UBQLN1: variants seen among roughly 807,000 people sequenced by gnomAD.
The protein encoded by UBQLN1 is ubiquilin-1.
Under a neutral mutation model 65.4 loss-of-function variants are expected in UBQLN1, and 13 were observed. The ratio of observed to expected loss-of-function variants is 0.20; its 90% confidence interval spans 0.13 to 0.32. The LOEUF is 0.32. Ranked by LOEUF, UBQLN1 falls within the 10% of genes least tolerant of loss-of-function variation. UBQLN1 has a pLI of 1.00. For missense variants in UBQLN1, 561 were observed against 724.0 expected (o/e 0.77, Z 2.58); for synonymous variants, 267 against 247.8 (o/e 1.08, Z -0.73).
chr9:83,700,839 G>C (rs528572669), intron 1 of UBQLN1, among the ~76,000 whole-genome samples: 42 of 152,098 alleles, frequency 2.8e-4, no homozygotes, highest in Non-Finnish European at 4.9e-4. Flanking sequence ...TATTACACAG[G>C]GCCTCGCTAC....
intron 1 of UBQLN1, among the ~76,000 whole-genome samples, chr9:83,691,748 C>T (rs1054604720): frequency 9.2e-5 from 14 of 152,322 alleles, no homozygotes; most frequent in African/African-American, 2.6e-4. Context: ...GAGCTGTTGA[C>T]AATTAATGTC....
intron 1 of UBQLN1, among the ~76,000 whole-genome samples, chr9:83,691,321 C>T (rs1832125125): frequency 6.6e-6 from 1 of 151,954 alleles, no homozygotes; most frequent in South Asian, 2.1e-4. Flanking sequence ...GAGATAATCA[C>T]CAAAGGCTAA....
intron 2 of UBQLN1, among the ~76,000 whole-genome samples, chr9:83,685,615 T>TAAA (rs376944218): frequency 7.6e-5 from 10 of 131,858 alleles, no homozygotes; most frequent in South Asian, 2.5e-4. Context: ...CTCTGTCTCT[T>TAAA]AAAAAAAAAA....
In UBQLN1 at chr9:83,685,987, A is replaced by G. The variant is rs199985063; in HGVS notation, c.332+17T>C. On this transcript the variant is annotated intron_variant, in intron 2 of 10. Coordinates refer to ENST00000376395, the MANE Select transcript of UBQLN1 (RefSeq NM_013438.5). ...TTTATCCACAATTTTAAAGCTGTAC[A>G]TCTTCCAAAACCATACCTGTTTTGT... is the stretch of plus-strand genomic sequence containing the variant. 58 of 1,590,566 alleles carry G rather than the reference A, an allele frequency of 3.6e-5. No individual in the cohort carries two copies. The East Asian group carries it at 9.3e-4, about 25-fold the overall frequency.
At chr9:83,694,295 T>C (rs916684531) in intron 1 of UBQLN1, among the ~76,000 whole-genome samples, 11 of 152,188 alleles carry the variant, frequency 7.2e-5, no homozygotes, top group Non-Finnish European at 1.3e-4. Context: ...TATTCAAATC[T>C]TTGCTATTTC....
chr9:83,702,091 GCCCAGAACAAGCAAA>G (rs1832319249), intron 1 of UBQLN1, among the ~76,000 whole-genome samples: 8 of 152,194 alleles, frequency 5.3e-5, no homozygotes, highest in Admixed American at 4.6e-4. Context: ...TACAACAAAC[GCCCAGAACAAGCAAA>G]TCTATAGACA....
intron 6 of UBQLN1, among the ~76,000 whole-genome samples, chr9:83,669,937 T>C (rs1831704240): frequency 6.6e-6 from 1 of 152,188 alleles, no homozygotes; most frequent in African/African-American, 2.4e-5. Context: ...GCAAGTTATC[T>C]AGCGTCTTCA....
chr9:83,676,457 C>G (rs1831833681), intron 6 of UBQLN1, among the ~76,000 whole-genome samples: 1 of 152,000 alleles, frequency 6.6e-6, no homozygotes, highest in South Asian at 2.1e-4. Flanking sequence ...TGCTCTATAC[C>G]CTTTAAAGTA....
At chr9:83,667,648 TA>T (rs1353135443) in intron 7 of UBQLN1, 1 of 985,288 alleles carries the variant, frequency 1.0e-6, no homozygotes, top group African/African-American at 1.7e-5. Context: ...TTATCACACA[TA>T]TCTTTTGGAA....
intron 3 of UBQLN1, among the ~76,000 whole-genome samples, chr9:83,681,476 G>A (rs1831939131): frequency 1.3e-5 from 2 of 152,052 alleles, no homozygotes; most frequent in South Asian, 4.1e-4. Flanking sequence ...AGGATATTAT[G>A]GTAATATAAC....
chr9:83,685,957 G>T, intron 2 of UBQLN1, 47 bp downstream of exon 2: 2 of 1,520,050 alleles, frequency 1.3e-6, no homozygotes, highest in Non-Finnish European at 1.8e-6. Flanking sequence ...TTAGAAGTAC[G>T]AACATTTATC....
At chr9:83,699,963 GC>G (rs371158647) in intron 1 of UBQLN1, among the ~76,000 whole-genome samples, 4 of 152,262 alleles carry the variant, frequency 2.6e-5, no homozygotes, top group African/African-American at 9.6e-5. Context: ...CTTGAAATCT[GC>G]CACAGTGAGA....
intron 10 of UBQLN1, among the ~76,000 whole-genome samples, chr9:83,662,610 G>A (rs375123417): frequency 2.4e-3 from 363 of 151,900 alleles, no homozygotes; most frequent in African/African-American, 8.2e-3. Context: ...TTGGAGGCTT[G>A]TAAGTTAACT....
chr9:83,686,180 T>C, intron 1 of UBQLN1, 25 bp from the exon 2 acceptor site: 3 of 1,468,520 alleles, frequency 2.0e-6, no homozygotes, highest in Non-Finnish European at 2.8e-6. Flanking sequence ...AATAAGTATG[T>C]ATTACAGTTG....
intron 7 of UBQLN1, chr9:83,668,304 T>C (rs1831675197): frequency 1.0e-6 from 1 of 984,676 alleles, no homozygotes; most frequent in African/African-American, 1.7e-5. Flanking sequence ...AACCATTCAT[T>C]TGACTTAAAG....
intron 5 of UBQLN1, 135 bp from the exon 6 acceptor site, chr9:83,678,096 A>G (rs1222310349): frequency 5.8e-6 from 4 of 687,318 alleles, no homozygotes; most frequent in African/African-American, 1.9e-5. Flanking sequence ...ATCTCGGCTC[A>G]CTGCAAGCTC....
chr9:83,668,228 A>G (rs1439855581), intron 7 of UBQLN1: 3 of 984,974 alleles, frequency 3.0e-6, no homozygotes, highest in East Asian at 1.1e-4. Flanking sequence ...TGAGGGCATA[A>G]GTTATTACTG....
intron 6 of UBQLN1, among the ~76,000 whole-genome samples, chr9:83,673,860 G>C (rs1009391988): frequency 1.3e-5 from 2 of 152,088 alleles, no homozygotes; most frequent in Non-Finnish European, 1.5e-5. Flanking sequence ...GGAGTGCGGT[G>C]ATGCCATCAC....
Position 83,661,660 on chromosome 9 carries a change from G to T in UBQLN1, c.*127C>A. On this transcript the variant is annotated 3_prime_UTR_variant, in exon 11 of 11. Coordinates refer to ENST00000376395, the MANE Select transcript of UBQLN1 (RefSeq NM_013438.5). ...ATCTTACTGTACTCCACCTTAAAAT[G>T]CATCATATTGGGTTTGTTTATAACA... 9.9e-7 allele frequency: 1 copy of T among 1,006,164 alleles called. No individual in the cohort carries two copies. The allele number at this position is 1,006,164 out of a possible 1,614,324, so 62.3% of individuals were successfully genotyped here.
Sources: allele counts gnomAD v4.1 joint callset (sites outside exome capture counted in the v4.1 genomes callset), GRCh38; gene constraint gnomAD v4.1.1; transcripts MANE v1.5; gene names NCBI Gene and HGNC (gene_info 2026-07-23, HGNC 2026-07-21).